The following KCNB2 variants were observed in gnomAD, a reference collection of about 807,000 sequenced individuals.
The protein encoded by KCNB2 is delayed rectifier potassium channel protein.
Under a neutral mutation model 61.5 loss-of-function variants are expected in KCNB2, and 15 were observed. That is an observed-to-expected ratio of 0.24 (90% confidence interval 0.16 to 0.38). The LOEUF (loss-of-function observed/expected upper bound fraction) is 0.38, where lower values mean the gene tolerates loss of function less well. Ranked by LOEUF, KCNB2 falls within the 10% of genes least tolerant of loss-of-function variation. The pLI is 1.00. For synonymous variants in KCNB2, 457 were observed against 446.0 expected, an observed-to-expected ratio of 1.02 and a Z score of -0.31; for missense variants, 828 against 1,125.2, an observed-to-expected ratio of 0.74 and a Z score of 3.78.
At chr8:72,657,050 A>C (rs1331085629) in intron 2 of KCNB2, among the ~76,000 whole-genome samples, 3 of 152,142 alleles carry the variant, frequency 2.0e-5, no homozygotes, top group African/African-American at 7.2e-5. Context: ...AATTCACTTA[A>C]CTAAATTACT....
At chr8:72,632,366 C>A (rs1040038514) in intron 2 of KCNB2, among the ~76,000 whole-genome samples, 1 of 152,126 alleles carries the variant, frequency 6.6e-6, no homozygotes, top group Non-Finnish European at 1.5e-5. Context: ...GGCACACAGC[C>A]ACACTCACTC....
intron 2 of KCNB2, among the ~76,000 whole-genome samples, chr8:72,706,295 T>G (rs1014250299): frequency 2.0e-5 from 3 of 152,194 alleles, no homozygotes; most frequent in African/African-American, 7.2e-5. Context: ...ACTGTTCTAA[T>G]AGCTAAATAT....
chr8:72,561,758 T>C (rs1487677327), intron 1 of KCNB2, among the ~76,000 whole-genome samples: 2 of 25,728 alleles, frequency 7.8e-5, no homozygotes, highest in African/African-American at 3.4e-4. Flanking sequence ...TATATATATA[T>C]ATGGATATAT....
intron 2 of KCNB2, among the ~76,000 whole-genome samples, chr8:72,711,805 T>C (rs1807331456): frequency 6.6e-6 from 1 of 152,130 alleles, no homozygotes; most frequent in Non-Finnish European, 1.5e-5. Context: ...CTGACCAACA[T>C]GATGAAACCC....
chr8:72,829,312 G>A (rs1899080), intron 2 of KCNB2, among the ~76,000 whole-genome samples: 123,728 of 152,172 alleles, frequency 0.81, 51,047 homozygotes, highest in African/African-American at 0.95. Context: ...CACTCTAGAA[G>A]AGCAGCCTAG....
At chr8:72,867,234 T>C (rs551370040) in intron 2 of KCNB2, among the ~76,000 whole-genome samples, 1 of 152,234 alleles carries the variant, frequency 6.6e-6, no homozygotes, top group Non-Finnish European at 1.5e-5. Context: ...AAATACCATA[T>C]TGTGAAGCAT....
chr8:72,621,135 A>C (rs1452613797), intron 2 of KCNB2, among the ~76,000 whole-genome samples: 1 of 152,180 alleles, frequency 6.6e-6, no homozygotes, highest in Non-Finnish European at 1.5e-5. Context: ...GTTTATGGGA[A>C]TGTGTTTTTA....
At chr8:72,614,264 G>A (rs972239282) in intron 2 of KCNB2, among the ~76,000 whole-genome samples, 3 of 152,098 alleles carry the variant, frequency 2.0e-5, no homozygotes, top group Non-Finnish European at 2.9e-5. Flanking sequence ...TTAAATGTAT[G>A]TATTTTATAG....
In KCNB2 at chr8:72,684,821, C is replaced by T. The variant is rs144435803; in HGVS notation, c.579+116508C>T. On this transcript the variant is annotated intron_variant, in intron 2 of 2. Transcript: ENST00000523207. ...TCACTGAGTAGATTTCTGAGATGTG[C>T]ACCTCTCCCCTGAGATATTCACACA... Among the ~76,000 whole-genome samples the T allele has an allele frequency of 1.9e-3, 296 of 152,276 alleles. 3 individuals are homozygous for T. Among genetic ancestry groups the T allele is most frequent in the African/African-American group, 6.7e-3 (277 of 41,548 alleles).
intron 1 of KCNB2, among the ~76,000 whole-genome samples, chr8:72,566,710 CAAAA>C (rs5892353): frequency 7.3e-6 from 1 of 136,248 alleles, no homozygotes. Flanking sequence ...GACTCTATTT[CAAAA>C]AAAAAAAAAA....
At chr8:72,646,262 G>A (rs2128986063) in intron 2 of KCNB2, among the ~76,000 whole-genome samples, 1 of 151,938 alleles carries the variant, frequency 6.6e-6, no homozygotes, top group South Asian at 2.1e-4. Context: ...TTTGCTTTGT[G>A]TATTTGCATT....
intron 2 of KCNB2, among the ~76,000 whole-genome samples, chr8:72,621,175 A>C (rs996815536): frequency 1.3e-5 from 2 of 152,210 alleles, no homozygotes; most frequent in African/African-American, 4.8e-5. Flanking sequence ...TGTACATTTC[A>C]TCTCTTAACC....
intron 2 of KCNB2, among the ~76,000 whole-genome samples, chr8:72,928,328 G>T (rs189265716): frequency 3.3e-5 from 5 of 151,704 alleles, no homozygotes; most frequent in African/African-American, 9.7e-5. Flanking sequence ...AAGTAGCTGC[G>T]ACTACAGGCA....
chr8:72,937,984 G>A lies in KCNB2; in HGVS notation c.2629G>A (p.Asp877Asn), dbSNP rs867679827. The A allele has an allele frequency of 1.2e-6, 2 of 1,614,126 alleles. No homozygotes were observed. Among genetic ancestry groups the A allele is most frequent in the East Asian group, 2.2e-5 (1 of 44,874 alleles). Residue 877 changes from aspartate (D) to asparagine (N), a missense_variant, in exon 3 of 3, where the codon GAC (aspartate) becomes AAC (asparagine). Transcript: ENST00000523207. ...IYHAVSEVKK[D>N]SSQEGCKMEN... The stretch of plus-strand genomic sequence containing the variant: ...CCATGCTGTGAGTGAAGTCAAAAAG[G>A]ACAGTAGTCAAGAAGGGTGCAAGAT...
chr8:72,840,976 C>T lies in KCNB2; in HGVS notation c.580-94959C>T, dbSNP rs1473363853. On this transcript the variant is annotated intron_variant, in intron 2 of 2. Transcript: ENST00000523207. The stretch of plus-strand genomic sequence containing the variant: ...TGGTGTGTTAGTCATGAAATCTTTG[C>T]CCATGCCTATGTCCTGAATGGTATT... Among the ~76,000 whole-genome samples the T allele has an allele frequency of 1.3e-5, 2 of 152,162 alleles. 1 individual carries two copies. Among genetic ancestry groups the T allele is most frequent in the South Asian group, 4.1e-4 (2 of 4,824 alleles).
intron 2 of KCNB2, among the ~76,000 whole-genome samples, chr8:72,796,314 C>T (rs1809030369): frequency 1.3e-5 from 2 of 152,218 alleles, no homozygotes; most frequent in African/African-American, 4.8e-5. Flanking sequence ...CCTGGGTTTT[C>T]ATCACAAATA....
intron 2 of KCNB2, among the ~76,000 whole-genome samples, chr8:72,866,415 A>G (rs1805520015): frequency 6.6e-6 from 1 of 152,246 alleles, no homozygotes; most frequent in Non-Finnish European, 1.5e-5. Flanking sequence ...GTGTGTTTGC[A>G]CAGATTTATT....
chr8:72,609,019 A>C (rs2128983125), intron 2 of KCNB2, among the ~76,000 whole-genome samples: 1 of 152,334 alleles, frequency 6.6e-6, no homozygotes, highest in Non-Finnish European at 1.5e-5. Context: ...CTTAGGCACA[A>C]GTGATGTAGT....
intron 2 of KCNB2, among the ~76,000 whole-genome samples, chr8:72,848,153 T>C (rs1810031476): frequency 6.6e-6 from 1 of 152,216 alleles, no homozygotes. Flanking sequence ...GCATTTGGAA[T>C]ATAGAAAAAC....
Sources: allele counts gnomAD v4.1 joint callset (sites outside exome capture counted in the v4.1 genomes callset), GRCh38; gene constraint gnomAD v4.1.1; transcripts MANE v1.5; gene names NCBI Gene and HGNC (gene_info 2026-07-23, HGNC 2026-07-21).